Variants in RHOBTB1 observed in about 807,000 individuals in gnomAD.
The protein encoded by RHOBTB1 is rho-related BTB domain-containing protein 1.
Under a neutral mutation model 71.6 loss-of-function variants are expected in RHOBTB1, and 40 were observed. The observed-to-expected ratio is 0.56, with a 90% CI of 0.43 to 0.73. The LOEUF (loss-of-function observed/expected upper bound fraction) is 0.73, where lower values mean the gene tolerates loss of function less well. Among genes scored for constraint, RHOBTB1 ranks in the 30% least tolerant of loss-of-function variants. The pLI, the probability that RHOBTB1 is intolerant of heterozygous loss-of-function variation, is 0.00. For missense variants in RHOBTB1, 797 were observed against 894.0 expected (o/e 0.89, Z 1.38); for synonymous variants, 319 against 334.9 (o/e 0.95, Z 0.52).
At chr10:60,928,086 G>A (rs956882121) in intron 2 of RHOBTB1, among the ~76,000 whole-genome samples, 7 of 152,180 alleles carry the variant, frequency 4.6e-5, no homozygotes, top group South Asian at 2.1e-4. Flanking sequence ...AACATCATTC[G>A]TCATCAGAGA....
chr10:60,888,907 T>C lies in RHOBTB1; in HGVS notation c.761A>G (p.Asn254Ser). 5 of 1,614,186 alleles carry C rather than the reference T, an allele frequency of 3.1e-6. No individual in the cohort carries two copies. Among genetic ancestry groups the C allele is most frequent in the Non-Finnish European group, 4.2e-6 (5 of 1,180,012 alleles). Residue 254 changes from asparagine to serine, a missense_variant, in exon 6 of 11, where the codon AAT becomes AGT. Asn to Ser is a conservative substitution (Grantham distance 46). Coordinates refer to ENST00000337910, the MANE Select transcript of RHOBTB1 (RefSeq NM_014836.5). ...ATTGTCCAGTAAACAGGCAGCTTCA[T>C]TTGTCCCCATGGAAGGACACTCTGG... ...KIPECPSMGTNEAACLLDNPL... is the reference protein window; with the variant it reads ...KIPECPSMGTSEAACLLDNPL...
At chr10:60,999,715 A>G (rs2087189180) in intron 1 of RHOBTB1, among the ~76,000 whole-genome samples, 1 of 152,242 alleles carries the variant, frequency 6.6e-6, no homozygotes, top group Non-Finnish European at 1.5e-5. Flanking sequence ...ATTAGACTGG[A>G]AAGCTATGAG....
intron 2 of RHOBTB1, among the ~76,000 whole-genome samples, chr10:60,980,226 G>A (rs2086451606): frequency 6.6e-6 from 1 of 152,200 alleles, no homozygotes; most frequent in African/African-American, 2.4e-5. Context: ...ATAGGTGATA[G>A]TTTAAAATTA....
chr10:60,977,674 T>C (rs910987022), intron 2 of RHOBTB1, among the ~76,000 whole-genome samples: 1 of 152,140 alleles, frequency 6.6e-6, no homozygotes, highest in African/African-American at 2.4e-5. Flanking sequence ...GGTCATTTTA[T>C]AGAAGGACCA....
At chr10:60,948,569 GA>G (rs2085311056), upstream of RHOBTB1, among the ~76,000 whole-genome samples, 1 of 152,224 alleles carries the variant, frequency 6.6e-6, no homozygotes, top group Admixed American at 6.5e-5. Flanking sequence ...CTCTGCTCTG[GA>G]TGCAGCATGT....
At chr10:60,971,511 G>T (rs527736749) in intron 2 of RHOBTB1, among the ~76,000 whole-genome samples, 15 of 152,168 alleles carry the variant, frequency 9.9e-5, no homozygotes, top group Admixed American at 3.3e-4. Flanking sequence ...ACTGAAACTG[G>T]ACCCATTCCT....
intron 1 of RHOBTB1, among the ~76,000 whole-genome samples, chr10:60,991,138 T>C (rs1456468501): frequency 3.3e-5 from 5 of 152,168 alleles, no homozygotes; most frequent in African/African-American, 9.7e-5. Flanking sequence ...TCTACTGAAA[T>C]ATTTCACTGA....
At chr10:60,863,705 G>A in the RHOBTB1 span, among the ~76,000 whole-genome samples, 1 of 152,052 alleles carries the variant, frequency 6.6e-6, no homozygotes, top group Admixed American at 6.5e-5. Context: ...GCTAATTTTT[G>A]TATTTTTGGT....
At chr10:60,873,416 AG>A (rs1287874425) in intron 9 of RHOBTB1, among the ~76,000 whole-genome samples, 1 of 152,158 alleles carries the variant, frequency 6.6e-6, no homozygotes, top group Admixed American at 6.5e-5. Context: ...GCACATCACT[AG>A]GTTAGGGTCT....
chr10:60,920,813 C>T (rs369018737), intron 2 of RHOBTB1, among the ~76,000 whole-genome samples: 21 of 152,066 alleles, frequency 1.4e-4, no homozygotes, highest in Non-Finnish European at 2.5e-4. Flanking sequence ...TGCCACCATG[C>T]CCGGCTAATT....
At chr10:60,867,458 C>A (rs1261831435), downstream of RHOBTB1, among the ~76,000 whole-genome samples, 1 of 152,196 alleles carries the variant, frequency 6.6e-6, no homozygotes, top group Non-Finnish European at 1.5e-5. Flanking sequence ...CCCATTTCAT[C>A]TATGTTCTGT....
chr10:60,920,694 G>T (rs1457306233), intron 2 of RHOBTB1, among the ~76,000 whole-genome samples: 1 of 151,546 alleles, frequency 6.6e-6, no homozygotes, highest in Non-Finnish European at 1.5e-5. Context: ...CTGTCACCCA[G>T]GCTAGAGTGC....
intron 7 of RHOBTB1, among the ~76,000 whole-genome samples, chr10:60,879,197 T>G (rs1462493273): frequency 1.3e-5 from 2 of 152,124 alleles, no homozygotes; most frequent in Non-Finnish European, 2.9e-5. Flanking sequence ...CGAAAGTGTA[T>G]GTTCAGAATT....
intron 2 of RHOBTB1, among the ~76,000 whole-genome samples, chr10:60,969,505 G>T (rs1378969896): frequency 6.6e-6 from 1 of 152,138 alleles, no homozygotes; most frequent in Admixed American, 6.6e-5. Context: ...AAAGGAGCTT[G>T]TCAGGGCATC....
chr10:60,907,796 T>C (rs1166302896), intron 4 of RHOBTB1, among the ~76,000 whole-genome samples: 1 of 152,104 alleles, frequency 6.6e-6, no homozygotes, highest in Non-Finnish European at 1.5e-5. Flanking sequence ...TCCCAGTAGG[T>C]TGAGGTAGCT....
At chr10:60,986,856 A>G (rs2086684849) in intron 1 of RHOBTB1, among the ~76,000 whole-genome samples, 1 of 152,184 alleles carries the variant, frequency 6.6e-6, no homozygotes, top group African/African-American at 2.4e-5. Flanking sequence ...TTAGCAAATC[A>G]TCCAGCTCTC....
intron 4 of RHOBTB1, among the ~76,000 whole-genome samples, chr10:60,909,198 T>G (rs887615805): frequency 6.6e-5 from 10 of 152,192 alleles, no homozygotes; most frequent in African/African-American, 2.2e-4. Flanking sequence ...ATAAATGCTA[T>G]GCAGGAATCT....
intron 2 of RHOBTB1, among the ~76,000 whole-genome samples, chr10:60,920,060 C>G (rs533822687): frequency 3.9e-5 from 6 of 152,286 alleles, no homozygotes; most frequent in African/African-American, 1.2e-4. Flanking sequence ...TACAAATACA[C>G]CAGGGAACCT....
At chr10:60,894,426 A>G (rs2082066920) in intron 4 of RHOBTB1, among the ~76,000 whole-genome samples, 1 of 152,228 alleles carries the variant, frequency 6.6e-6, no homozygotes, top group South Asian at 2.1e-4. Context: ...ATGCTGGGAT[A>G]ATATGAGCAA....
Sources: allele counts gnomAD v4.1 joint callset (sites outside exome capture counted in the v4.1 genomes callset), GRCh38; gene constraint gnomAD v4.1.1; transcripts MANE v1.5; gene names NCBI Gene and HGNC (gene_info 2026-07-23, HGNC 2026-07-21).